The following ABCB10 variants were observed in gnomAD, a reference collection of about 807,000 sequenced individuals.
The protein encoded by ABCB10 is ATP binding cassette subfamily B member 10.
A neutral mutation model predicts 65.4 loss-of-function variants in ABCB10; 54 were observed. That is an observed-to-expected ratio of 0.83 (90% CI 0.66 to 1.04). ABCB10 has a LOEUF of 1.04. ABCB10 is among the 50% of genes least tolerant of loss of function. ABCB10 has a pLI of 0.00. For synonymous variants in ABCB10, 418 were observed against 406.5 expected (o/e 1.03, Z -0.34); for missense variants, 846 against 976.6 (o/e 0.87, Z 1.78).
intron 10 of ABCB10, among the ~76,000 whole-genome samples, chr1:229,523,362 T>TA (rs1662360446): frequency 6.6e-6 from 1 of 152,232 alleles, no homozygotes; most frequent in Admixed American, 6.5e-5. Context: ...TTTTTGGGGA[T>TA]AAAAAACATT....
rs139595455 is a variant in ABCB10 at position 229,545,436 on chromosome 1, C to A, written c.921+2063G>T. Among the ~76,000 whole-genome samples, 6 of 152,284 alleles carry A rather than the reference C, an allele frequency of 3.9e-5. 1 individual carries two copies. Among genetic ancestry groups the A allele is most frequent in the Non-Finnish European group, 5.9e-5 (4 of 68,020 alleles). ...AGGATTATTTACAGTTCTTATTCCA[C>A]GAGTCTAGAACTGCACTGCCCAAAA... On this transcript the variant is annotated intron_variant, in intron 3 of 12. Transcript: ENST00000344517.
In ABCB10 at chr1:229,540,627, G is replaced by A. The variant is rs768589028; in HGVS notation, c.1182C>T (p.Ala394=). 3.7e-5 allele frequency: 60 copies of A among 1,611,272 alleles called. 1 individual carries two copies. In the South Asian group the frequency reaches 5.7e-4, roughly 15 times the overall value. The change falls in exon 5 of 13, where the codon GCC becomes GCT. Residue 394 remains alanine (A), a synonymous_variant. Coordinates refer to ENST00000344517, the MANE Select transcript of ABCB10 (RefSeq NM_012089.3). ...TTACTGCTCCAAAGAAACCAGCCCG[G>A]GCGAATGCCTCTTTCCTTGCTAACT... ...VMQLARKEAF[A]RAGFFGATGL...
intron 6 of ABCB10, among the ~76,000 whole-genome samples, chr1:229,533,166 G>A (rs1662626167): frequency 6.6e-6 from 1 of 151,808 alleles, no homozygotes; most frequent in African/African-American, 2.4e-5. Context: ...TTTTGAGACG[G>A]AGTCTTGCTC....
rs373055510 is a variant in ABCB10, at chr1:229,557,639, C to A, written c.517+497G>T. ...GAACACAGTGCTGTAACTTCCTGCA[C>A]AAGAGACAAGTCTGAAAGTTTTGCT... On this transcript the variant is annotated intron_variant, in intron 1 of 12. Coordinates refer to ENST00000344517, the MANE Select transcript of ABCB10 (RefSeq NM_012089.3). Among the ~76,000 whole-genome samples the A allele has an allele frequency of 4.6e-5, 7 of 152,122 alleles. No homozygotes were observed. The East Asian group carries it at 5.8e-4, about 13-fold the overall frequency.
intron 6 of ABCB10, 131 bp from the exon 7 acceptor site, chr1:229,531,862 T>C (rs1662592707): frequency 1.6e-6 from 1 of 607,250 alleles, no homozygotes; most frequent in Non-Finnish European, 2.7e-6. Context: ...AAAAACAACT[T>C]GAGGCAGCTT....
intron 6 of ABCB10, 40 bp from the exon 7 acceptor site, chr1:229,531,771 T>C: frequency 6.8e-7 from 1 of 1,465,242 alleles, no homozygotes; most frequent in South Asian, 1.1e-5. Flanking sequence ...TGTCCATCAC[T>C]GGCACTGGCA....
At position 229,522,566 on chromosome 1, in the gene ABCB10, T is replaced by A. The variant is rs112453217; in HGVS notation, c.1907-931A>T. ...CCTATAATTATTCCCATTTTACAGA[T>A]GATAAACTGAGATACAAAGTAGCAT... On this transcript the variant is annotated intron_variant, in intron 10 of 12. Coordinates refer to ENST00000344517, the MANE Select transcript of ABCB10 (RefSeq NM_012089.3). Among the ~76,000 whole-genome samples, 720 of 152,266 alleles carry A rather than the reference T, an allele frequency of 4.7e-3. 5 individuals are homozygous for A. The highest frequency in any genetic ancestry group is 0.016 in the African/African-American group (678 of 41,542).
chr1:229,539,723 C>T, intron 5 of ABCB10, 132 bp from the exon 6 acceptor site: 2 of 1,036,454 alleles, frequency 1.9e-6, no homozygotes, highest in Non-Finnish European at 2.7e-6. Flanking sequence ...ATTAATTTCA[C>T]CTGAGTTTCA....
intron 11 of ABCB10, among the ~76,000 whole-genome samples, chr1:229,519,673 C>T (rs1451249174): frequency 6.6e-6 from 1 of 152,214 alleles, no homozygotes; most frequent in Non-Finnish European, 1.5e-5. Context: ...CCTGTAATCC[C>T]AGCTACTCTG....
intron 7 of ABCB10, among the ~76,000 whole-genome samples, chr1:229,530,872 G>A (rs1248796985): frequency 2.0e-5 from 3 of 152,300 alleles, no homozygotes; most frequent in Admixed American, 6.5e-5. Context: ...AACGGGGAGC[G>A]CTGCACAGCA....
In ABCB10 at chr1:229,531,657, C is replaced by G. The variant is rs72751738; in HGVS notation, c.1414G>C (p.Glu472Gln). Residue 472 changes from glutamate to glutamine, a missense_variant, in exon 7 of 13, where the codon GAG (glutamate) becomes CAG (glutamine). Physicochemically the swap from Glu to Gln is conservative, Grantham distance 29 (BLOSUM62 2). Around this residue, in one of 2 missense-constraint regions of ABCB10, gnomAD observed 632 missense variants for 803.2 expected, o/e 0.79. Coordinates refer to ENST00000344517, the MANE Select transcript of ABCB10 (RefSeq NM_012089.3). ...GGRLWELLER[E>Q]PKLPFNEGVI... ...CCACCGTTAAAAGGCAGCTTGGGCT[C>G]TCTCTCCAGGAGCTCCCAGAGGCGC... is the stretch of plus-strand genomic sequence containing the variant. 323 of 1,613,886 alleles carry G rather than the reference C, an allele frequency of 2.0e-4. 1 individual carries two copies. Among genetic ancestry groups the G allele is most frequent in the Non-Finnish European group, 2.6e-4 (309 of 1,179,854 alleles).
chr1:229,535,480 T>C (rs926534566), intron 6 of ABCB10, among the ~76,000 whole-genome samples: 13 of 152,210 alleles, frequency 8.5e-5, no homozygotes, highest in Non-Finnish European at 1.6e-4. Flanking sequence ...AATCAAATGC[T>C]ACATACTGCA....
chr1:229,530,560 C>T lies in ABCB10; in HGVS notation c.1436-152G>A, dbSNP rs1322523585. 7 of 769,026 alleles carry T rather than the reference C, an allele frequency of 9.1e-6. No homozygotes were observed. The Admixed American group carries it at 1.6e-4, about 17-fold the overall frequency. The allele number at this position is 769,026 out of a possible 1,614,324, so 47.6% of individuals were successfully genotyped here. The stretch of plus-strand genomic sequence containing the variant: ...CTTAAAGGGCAAGTCAGAAGCAAAC[C>T]TAGGCTAAATGCTTACCACGTGCCA... On this transcript the variant is annotated intron_variant, in intron 7 of 12. Transcript: ENST00000344517.
chr1:229,526,010 T>A lies in ABCB10; in HGVS notation c.1832A>T (p.Asn611Ile). ...GAAATTCCGGATGAAGGCCACTGCA[T>A]TGGCCACTTCAGCCACTCTCTGGAT... is the stretch of plus-strand genomic sequence containing the variant. The part of the protein sequence containing the change: ...EEIQRVAEVA[N>I]AVAFIRNFPQ... Residue 611 changes from asparagine (N) to isoleucine (I), a missense_variant, in exon 10 of 13, where the codon AAT becomes ATT. Physicochemically the swap from Asn to Ile is moderately radical, Grantham distance 149. This residue lies in a region of ABCB10 where 632 missense variants were observed against 803.2 expected (regional missense o/e 0.79). Transcript: ENST00000344517. 1 of 1,614,234 alleles carries A rather than the reference T, an allele frequency of 6.2e-7. No individual in the cohort carries two copies.
intron 10 of ABCB10, among the ~76,000 whole-genome samples, chr1:229,524,548 T>C (rs1662388062): frequency 6.6e-6 from 1 of 152,174 alleles, no homozygotes; most frequent in Admixed American, 6.5e-5. Context: ...TCTCTTAAAG[T>C]TCTACTCATT....
At chr1:229,521,440 C>T (rs1662312010) in intron 11 of ABCB10, 152 bp downstream of exon 11, 2 of 814,368 alleles carry the variant, frequency 2.5e-6, no homozygotes, top group East Asian at 5.2e-5. Flanking sequence ...CACTAACTTA[C>T]CTTTCACCAG....
chr1:229,521,188 T>C (rs936778197), intron 11 of ABCB10, among the ~76,000 whole-genome samples: 2 of 152,198 alleles, frequency 1.3e-5, no homozygotes, highest in Non-Finnish European at 2.9e-5. Context: ...CCTTTCCTTC[T>C]AGGAATCTTG....
At chr1:229,536,238 C>T (rs965579387) in intron 6 of ABCB10, among the ~76,000 whole-genome samples, 2 of 152,012 alleles carry the variant, frequency 1.3e-5, no homozygotes, top group Non-Finnish European at 2.9e-5. Flanking sequence ...TGGTGGTGCA[C>T]ACCTATAATC....
At chr1:229,531,417 A>G (rs2102690077) in intron 7 of ABCB10, among the ~76,000 whole-genome samples, 1 of 152,184 alleles carries the variant, frequency 6.6e-6, no homozygotes, top group Admixed American at 6.5e-5. Context: ...TGGCCAGCCC[A>G]TGCATCCAGG....
Sources: gnomAD v4.1 joint callset for allele counts (sites outside exome capture counted in the v4.1 genomes callset) on GRCh38, gnomAD v4.1.1 for gene constraint, gnomAD v4.1.1 regional missense constraint, MANE v1.5 for transcripts, NCBI Gene and HGNC (gene_info 2026-07-23, HGNC 2026-07-21) for gene names.